SORCS1: variants seen among roughly 807,000 people sequenced by gnomAD.
SORCS1 encodes the protein VPS10 domain-containing receptor SorCS1.
In SORCS1, 60 loss-of-function variants were observed where a neutral mutation model predicts 146.1. The observed-to-expected ratio is 0.41, with a 90% CI of 0.33 to 0.51. The LOEUF (loss-of-function observed/expected upper bound fraction) is 0.51. Among genes scored for constraint, SORCS1 ranks in the 20% least tolerant of loss-of-function variants. SORCS1 has a pLI of 0.21. For missense variants in SORCS1, 1,352 were observed against 1,487.6 expected, an observed-to-expected ratio of 0.91 and a Z score of 1.50; for synonymous variants, 637 against 584.0, an observed-to-expected ratio of 1.09 and a Z score of -1.31.
intron 3 of SORCS1, among the ~76,000 whole-genome samples, chr10:106,789,940 C>A (rs1946233454): frequency 6.6e-6 from 1 of 152,194 alleles, no homozygotes; most frequent in South Asian, 2.1e-4. Flanking sequence ...CACAGGGCGG[C>A]AGGAGAAAGA....
At chr10:106,660,686 G>C (rs1351232193) in intron 17 of SORCS1, among the ~76,000 whole-genome samples, 4 of 151,294 alleles carry the variant, frequency 2.6e-5, no homozygotes, top group African/African-American at 9.7e-5. Flanking sequence ...GGAGGCAGAG[G>C]TTGCAGTGAG....
chr10:106,665,403 T>A (rs1374112834), intron 17 of SORCS1, among the ~76,000 whole-genome samples: 1 of 150,572 alleles, frequency 6.6e-6, no homozygotes, highest in Non-Finnish European at 1.5e-5. Flanking sequence ...TTTTTTTTTT[T>A]AATAGATGGG....
At chr10:106,841,990 G>A (rs553285973) in intron 2 of SORCS1, among the ~76,000 whole-genome samples, 1 of 152,296 alleles carries the variant, frequency 6.6e-6, no homozygotes, top group South Asian at 2.1e-4. Flanking sequence ...TGTTTTGTAA[G>A]AAATTGCCAA....
chr10:106,671,599 T>C (rs1003921271), intron 15 of SORCS1, among the ~76,000 whole-genome samples: 1 of 152,228 alleles, frequency 6.6e-6, no homozygotes, highest in African/African-American at 2.4e-5. Flanking sequence ...CTTAATTTTG[T>C]GTGCACTTAT....
At chr10:107,166,943 A>T (rs1165463857), upstream of SORCS1, among the ~76,000 whole-genome samples, 1 of 152,236 alleles carries the variant, frequency 6.6e-6, no homozygotes, top group Admixed American at 6.5e-5. Flanking sequence ...TTCCTGAAGA[A>T]TGCTCGTACA....
At chr10:106,735,435 G>A (rs749917186) in intron 5 of SORCS1, among the ~76,000 whole-genome samples, 8 of 152,180 alleles carry the variant, frequency 5.3e-5, no homozygotes, top group Non-Finnish European at 1.2e-4. Context: ...CATTCAAGGT[G>A]CTATTTGAAG....
chr10:106,800,057 G>C (rs1313494270), intron 3 of SORCS1, among the ~76,000 whole-genome samples: 1 of 152,108 alleles, frequency 6.6e-6, no homozygotes. Context: ...CTATTACAGG[G>C]AGTCAGAATT....
At chr10:106,660,412 T>A (rs1356120293) in intron 17 of SORCS1, among the ~76,000 whole-genome samples, 1 of 152,242 alleles carries the variant, frequency 6.6e-6, no homozygotes, top group Non-Finnish European at 1.5e-5. Flanking sequence ...CAAACTTCTC[T>A]CTTCTGGCTA....
chr10:107,027,455 G>A (rs570730585), intron 1 of SORCS1, among the ~76,000 whole-genome samples: 1 of 152,252 alleles, frequency 6.6e-6, no homozygotes, highest in East Asian at 1.9e-4. Context: ...GCAGGAATCA[G>A]GCAATCCGTG....
intron 2 of SORCS1, among the ~76,000 whole-genome samples, chr10:106,956,194 T>A (rs567017291): frequency 2.6e-5 from 4 of 152,006 alleles, no homozygotes; most frequent in Admixed American, 2.0e-4. Context: ...CTGTGCTGAT[T>A]CTTCTGCAAA....
intron 1 of SORCS1, among the ~76,000 whole-genome samples, chr10:106,990,123 C>T (rs1231066348): frequency 1.3e-5 from 2 of 152,118 alleles, no homozygotes; most frequent in African/African-American, 2.4e-5. Flanking sequence ...ATAGGGCTTT[C>T]CTTTTTAGAT....
At chr10:106,940,038 A>G (rs758571658) in intron 2 of SORCS1, among the ~76,000 whole-genome samples, 1 of 152,212 alleles carries the variant, frequency 6.6e-6, no homozygotes, top group Non-Finnish European at 1.5e-5. Flanking sequence ...CAGACATTAC[A>G]TTTGTATTTG....
chr10:107,007,881 G>A (rs1957524030), intron 1 of SORCS1, among the ~76,000 whole-genome samples: 1 of 152,174 alleles, frequency 6.6e-6, no homozygotes, highest in Non-Finnish European at 1.5e-5. Context: ...TTCTTCACTT[G>A]TTCTTGGCCA....
At chr10:107,029,104 G>A (rs1341083536) in intron 1 of SORCS1, among the ~76,000 whole-genome samples, 1 of 152,184 alleles carries the variant, frequency 6.6e-6, no homozygotes. Flanking sequence ...TATATAGTAA[G>A]CCCATAGCAT....
chr10:106,682,894 T>C (rs1242364969), intron 10 of SORCS1, among the ~76,000 whole-genome samples: 1 of 152,216 alleles, frequency 6.6e-6, no homozygotes, highest in Non-Finnish European at 1.5e-5. Context: ...GCAGCTGACC[T>C]ACAGAGGACA....
At chr10:106,666,729 T>C (rs972477156) in intron 17 of SORCS1, among the ~76,000 whole-genome samples, 1 of 151,648 alleles carries the variant, frequency 6.6e-6, no homozygotes, top group Admixed American at 6.6e-5. Flanking sequence ...GTTAATTTTT[T>C]TTTTTTTTGT....
intron 1 of SORCS1, among the ~76,000 whole-genome samples, chr10:107,012,683 T>C (rs536913406): frequency 3.0e-4 from 45 of 152,320 alleles, no homozygotes; most frequent in African/African-American, 1.0e-3. Flanking sequence ...AGTGTCCACA[T>C]GTTCCACCAC....
At position 106,850,328 on chromosome 10, in the gene SORCS1, G is replaced by T. The variant is rs949068801; in HGVS notation, c.627-20655C>A. 5.3e-5 allele frequency among the ~76,000 whole-genome samples: 8 copies of T among 152,204 alleles called. No individual in the cohort carries two copies. In the East Asian group the frequency reaches 1.6e-3, roughly 30 times the overall value. ...AGCCGGTCTGAAAAGCGCAATATTC[G>T]GGTGGGAGTGACCCGATTTTCCAGG... On this transcript the variant is annotated intron_variant, in intron 2 of 25. Transcript: ENST00000263054.
intron 18 of SORCS1, among the ~76,000 whole-genome samples, chr10:106,638,958 GTTAT>G (rs1848889428): frequency 6.6e-6 from 1 of 152,094 alleles, no homozygotes; most frequent in Non-Finnish European, 1.5e-5. Context: ...TATTATTCTT[GTTAT>G]TGGCATTATT....
Sources: gnomAD v4.1 joint callset for allele counts (sites outside exome capture counted in the v4.1 genomes callset) on GRCh38, gnomAD v4.1.1 for gene constraint, MANE v1.5 for transcripts, NCBI Gene and HGNC (gene_info 2026-07-23, HGNC 2026-07-21) for gene names.